Variants in ST13 observed in about 807,000 individuals in gnomAD.
ST13 encodes the protein ST13 Hsp70 interacting protein.
A neutral mutation model predicts 56.7 loss-of-function variants in ST13; 23 were observed. The ratio of observed to expected loss-of-function variants is 0.41; its 90% CI spans 0.29 to 0.57. The LOEUF (loss-of-function observed/expected upper bound fraction) is 0.57. Among genes scored for constraint, ST13 ranks in the 20% least tolerant of loss-of-function variants. The probability of loss-of-function intolerance (pLI) is 0.36; values close to 1 mark genes in which losing one functional copy is unlikely to be tolerated. For missense variants in ST13, 369 were observed against 459.9 expected, an observed-to-expected ratio of 0.80 and a Z score of 1.81; for synonymous variants, 132 against 142.4, an observed-to-expected ratio of 0.93 and a Z score of 0.52.
At chr22:40,848,413 T>C (rs778765173) in intron 2 of ST13, 44 bp from the exon 3 acceptor site, 24 of 1,242,438 alleles carry the variant, frequency 1.9e-5, no homozygotes, top group South Asian at 8.4e-5. Flanking sequence ...TTTAATAACA[T>C]ACCGAATATT....
chr22:40,848,224 C>T, intron 3 of ST13, 70 bp downstream of exon 3: 1 of 1,106,660 alleles, frequency 9.0e-7, no homozygotes, highest in Non-Finnish European at 1.4e-6. Flanking sequence ...TGATTTAAGT[C>T]ACTTTAATAA....
chr22:40,829,679 G>T lies in ST13; in HGVS notation c.799-5C>A. ...CTGTCGTCTGGCTTCTTCCTCCTTT[G>T]ATACAAAAGGAAATAAATTATATAA... On this transcript the variant is annotated splice_region_variant and splice_polypyrimidine_tract_variant and intron_variant, in intron 9 of 11. Coordinates refer to ENST00000216218, the MANE Select transcript of ST13 (RefSeq NM_003932.5). The T allele has an allele frequency of 6.9e-7, 1 of 1,448,332 alleles. No individual in the cohort carries two copies. Among genetic ancestry groups the T allele is most frequent in the Non-Finnish European group, 9.4e-7 (1 of 1,069,158 alleles). 89.7% of individuals were successfully genotyped at this position (1,448,332 alleles called of 1,614,324 possible). A position where few individuals can be genotyped will look rare whatever the true frequency, so the allele number is the denominator to read the frequency against.
intron 6 of ST13, 28 bp downstream of exon 6, chr22:40,835,775 G>T (rs1352017678): frequency 6.2e-7 from 1 of 1,608,542 alleles, no homozygotes; most frequent in African/African-American, 1.3e-5. Context: ...TATTTGCCAG[G>T]GGATGCTTTT....
chr22:40,847,192 G>C (rs1246882422), intron 3 of ST13, among the ~76,000 whole-genome samples: 3 of 152,022 alleles, frequency 2.0e-5, no homozygotes, highest in African/African-American at 7.2e-5. Flanking sequence ...TATCAACATG[G>C]TTGTAAGAAC....
At chr22:40,836,328 G>A (rs1305241857) in intron 5 of ST13, among the ~76,000 whole-genome samples, 1 of 152,220 alleles carries the variant, frequency 6.6e-6, no homozygotes, top group East Asian at 1.9e-4. Flanking sequence ...GCGGAGCCCT[G>A]TAGTCCCAGC....
At position 40,830,919 on chromosome 22, in the gene ST13, C is replaced by T. The variant is rs1327458439; in HGVS notation, c.719G>A (p.Arg240Gln). The change falls in exon 9 of 12, where the codon CGA (arginine) becomes CAA (glutamine). Residue 240 changes from arginine to glutamine, a missense_variant. Physicochemically the swap from Arg to Gln is conservative, Grantham distance 43. Transcript: ENST00000216218. ...TTTGATCTCTCGCTCTTCACGTTTT[C>T]GCTCATACTTTCTCCGATGTTCTGC... The part of the protein sequence containing the change: ...KIAEHRRKYE[R>Q]KREEREIKER... 2 of 1,603,408 alleles carry T rather than the reference C, an allele frequency of 1.2e-6. No individual in the cohort carries two copies. The highest frequency in any genetic ancestry group is 8.5e-7 in the Non-Finnish European group (1 of 1,179,566).
chr22:40,846,132 C>G (rs1228793256), intron 3 of ST13, among the ~76,000 whole-genome samples: 1 of 152,100 alleles, frequency 6.6e-6, no homozygotes, highest in Non-Finnish European at 1.5e-5. Flanking sequence ...GATGGGGTTT[C>G]TCCATGTTAG....
chr22:40,830,738 C>A, intron 9 of ST13, 102 bp downstream of exon 9: 1 of 673,954 alleles, frequency 1.5e-6, no homozygotes, highest in Non-Finnish European at 2.6e-6. Flanking sequence ...AGAACTGTAG[C>A]CAGCATTAAA....
At chr22:40,832,315 AT>A (rs2057757843) in intron 8 of ST13, 1 of 507,730 alleles carries the variant, frequency 2.0e-6, no homozygotes. Context: ...CCCTTTTCTA[AT>A]TTTCTGGTTA....
rs199952556 is a variant in ST13 at position 40,856,589 on chromosome 22, G to C, written c.-49C>G. 6.6e-7 allele frequency: 1 copy of C among 1,524,580 alleles called. No homozygotes were observed. Among genetic ancestry groups the C allele is most frequent in the Non-Finnish European group, 9.1e-7 (1 of 1,101,756 alleles). 94.4% of individuals were successfully genotyped at this position (1,524,580 alleles called of 1,614,324 possible). A position where few individuals can be genotyped will look rare whatever the true frequency, so the allele number is the denominator to read the frequency against. The stretch of plus-strand genomic sequence containing the variant: ...TGGGGGGGCTACGGCCCGGTTCCAG[G>C]CCCAGGCGCTGGCTCGGCGTGACCG... On this transcript the variant is annotated 5_prime_UTR_variant, in exon 1 of 12. Coordinates refer to ENST00000216218, the MANE Select transcript of ST13 (RefSeq NM_003932.5).
At chr22:40,829,077 C>G (rs2057742064) in intron 10 of ST13, among the ~76,000 whole-genome samples, 1 of 152,100 alleles carries the variant, frequency 6.6e-6, no homozygotes, top group Non-Finnish European at 1.5e-5. Flanking sequence ...AATATTTGTT[C>G]TAGGTTTGTT....
rs891455661 is a variant in ST13 at position 40,856,025 on chromosome 22, G to A, written c.110+406C>T. On this transcript the variant is annotated intron_variant, in intron 1 of 11. Transcript: ENST00000216218. Reference sequence around the variant, plus strand: ...TACTAGTGTTATATTATTATAACACGACGTAAAGGAATAGTGCGTAAAGGA... The same window carrying A: ...TACTAGTGTTATATTATTATAACACAACGTAAAGGAATAGTGCGTAAAGGA... 3.3e-5 allele frequency among the ~76,000 whole-genome samples: 5 copies of A among 152,078 alleles called. No individual in the cohort carries two copies. The East Asian group carries it at 5.8e-4, about 18-fold the overall frequency.
intron 5 of ST13, 58 bp from the exon 6 acceptor site, chr22:40,835,945 G>A (rs965184931): frequency 1.5e-6 from 2 of 1,294,098 alleles, no homozygotes; most frequent in South Asian, 2.6e-5. Context: ...TTAATAAAAA[G>A]TTTTGATCTG....
At chr22:40,851,483 C>T (rs559178931) in intron 1 of ST13, among the ~76,000 whole-genome samples, 26 of 152,182 alleles carry the variant, frequency 1.7e-4, no homozygotes, top group Non-Finnish European at 3.1e-4. Flanking sequence ...CCAAATAGTT[C>T]AGGGCAACAC....
intron 1 of ST13, among the ~76,000 whole-genome samples, chr22:40,853,018 G>A (rs1390493939): frequency 6.6e-6 from 1 of 152,134 alleles, no homozygotes; most frequent in Non-Finnish European, 1.5e-5. Flanking sequence ...GGGAAGGCCA[G>A]ACAAACCCAA....
chr22:40,837,484 T>C (rs1333824092), intron 5 of ST13, among the ~76,000 whole-genome samples: 2 of 152,048 alleles, frequency 1.3e-5, no homozygotes, highest in Non-Finnish European at 2.9e-5. Flanking sequence ...CCGTCTCTAC[T>C]AAAAATATAA....
At chr22:40,839,490 C>T (rs1358340093) in intron 5 of ST13, among the ~76,000 whole-genome samples, 4 of 152,162 alleles carry the variant, frequency 2.6e-5, no homozygotes, top group Non-Finnish European at 4.4e-5. Context: ...ATGGGCCGGG[C>T]GCAGTGGTTC....
intron 3 of ST13, among the ~76,000 whole-genome samples, chr22:40,847,621 T>C (rs1830019143): frequency 6.6e-6 from 1 of 151,892 alleles, no homozygotes; most frequent in Non-Finnish European, 1.5e-5. Context: ...GTAACCCAAC[T>C]TTTTCTAATA....
In ST13 at chr22:40,827,093, T is replaced by C. The variant is rs1484402764; in HGVS notation, c.981+3A>G. On this transcript the variant is annotated splice_donor_region_variant and intron_variant, in intron 11 of 11. Coordinates refer to ENST00000216218, the MANE Select transcript of ST13 (RefSeq NM_003932.5). ...AGTCCAAAGTTTTTCTTCCAAGTCTTACCTGCATGGCTGCAAGAACCTCTG... is the reference window on the plus strand; with the variant it reads ...AGTCCAAAGTTTTTCTTCCAAGTCTCACCTGCATGGCTGCAAGAACCTCTG... 1 of 1,611,512 alleles carries C rather than the reference T, an allele frequency of 6.2e-7. No homozygotes were observed. The highest frequency in any genetic ancestry group is 8.5e-7 in the Non-Finnish European group (1 of 1,179,642).
Sources: allele counts gnomAD v4.1 joint callset (sites outside exome capture counted in the v4.1 genomes callset), GRCh38; gene constraint gnomAD v4.1.1; transcripts MANE v1.5; gene names NCBI Gene and HGNC (gene_info 2026-07-23, HGNC 2026-07-21).